The following ADM2 variants were observed in gnomAD, a reference collection of about 807,000 sequenced individuals.
ADM2 encodes protein ADM2.
In ADM2, 5 loss-of-function variants were observed where a neutral mutation model predicts 7.1. The observed-to-expected ratio is 0.71, with a 90% CI of 0.37 to 1.49. The LOEUF is 1.49. ADM2 is among the 40% of genes most tolerant of loss of function. The pLI is 0.03. For synonymous variants in ADM2, 123 were observed against 92.8 expected (o/e 1.33, Z -1.87); for missense variants, 236 against 211.2 (o/e 1.12, Z -0.73).
At position 50,481,946 on chromosome 22, in the gene ADM2, C is replaced by T. The variant is rs201300266; in HGVS notation, c.99C>T (p.Pro33=). Residue 33 remains proline (P), a synonymous_variant, in exon 2 of 3, where the codon CCC becomes CCT. Transcript: ENST00000395737. ...LSRSLGGDPR[P]VKPREPPARS... ...GCAGCCTGGGCGGGGACCCGCGACC[C>T]GTCAAACCCAGGTGAGTCCAGGTCT... is the stretch of plus-strand genomic sequence containing the variant. 3.9e-6 allele frequency: 6 copies of T among 1,536,328 alleles called. No homozygotes were observed. Among genetic ancestry groups the T allele is most frequent in the Admixed American group, 3.9e-5 (2 of 50,776 alleles).
chr22:50,482,074 A>G, intron 2 of ADM2, 117 bp downstream of exon 2: 2 of 960,184 alleles, frequency 2.1e-6, no homozygotes, highest in East Asian at 3.1e-5. Context: ...CTCCCCTCCC[A>G]AACAAAGGCC....
chr22:50,483,044 G>C lies in ADM2; in HGVS notation c.*141G>C. 7.2e-7 allele frequency: 1 copy of C among 1,380,174 alleles called. No individual in the cohort carries two copies. The highest frequency in any genetic ancestry group is 9.9e-7 in the Non-Finnish European group (1 of 1,005,452). 85.5% of individuals were successfully genotyped at this position (1,380,174 alleles called of 1,614,324 possible). A position where few individuals can be genotyped will look rare whatever the true frequency, so the allele number is the denominator to read the frequency against. On this transcript the variant is annotated 3_prime_UTR_variant, in exon 3 of 3. Coordinates refer to ENST00000395737, the MANE Select transcript of ADM2 (RefSeq NM_001253845.2). The stretch of plus-strand genomic sequence containing the variant: ...GCAGCAACAATACCTGCACGGCTTT[G>C]CACACGTAAACCTAGGCTGGTCTAC...
In ADM2 at chr22:50,485,496, A is replaced by C. The variant is rs1484532930; in HGVS notation, c.*2593A>C. The C allele has an allele frequency of 6.5e-6, 1 of 152,802 alleles. No individual in the cohort carries two copies. The highest frequency in any genetic ancestry group is 2.4e-5 in the African/African-American group (1 of 41,466). 9.5% of individuals were successfully genotyped at this position (152,802 alleles called of 1,614,324 possible). On this transcript the variant is annotated 3_prime_UTR_variant, in exon 3 of 3. Coordinates refer to ENST00000395737, the MANE Select transcript of ADM2 (RefSeq NM_001253845.2). ...AGCCTCCTCCCAGGCACCTGTCTGC[A>C]TCCCTCTGGCCAGTGCATGCTGAGC...
chr22:50,482,714 CCG>C lies in ADM2; in HGVS notation c.260_261del (p.Arg87ProfsTer89). ...TGGGTCAGCCTCTCCGGGATGGTGG[CCG>C]CCAACACTCGGGCCCCCGAAGACAC... ...VMGQPLRDGGRQHSGPRRHSG... is the reference protein window; with the variant it reads ...VMGQPLRDGGXQHSGPRRHSG... On this transcript the variant is annotated frameshift_variant, in exon 3 of 3. Coordinates refer to ENST00000395737, the MANE Select transcript of ADM2 (RefSeq NM_001253845.2). LOFTEE classifies it high-confidence loss of function. 1.2e-6 allele frequency: 2 copies of C among 1,605,374 alleles called. No individual in the cohort carries two copies. Among genetic ancestry groups the C allele is most frequent in the African/African-American group, 2.7e-5 (2 of 74,908 alleles).
Position 50,482,781 on chromosome 22 carries a change from G to C in ADM2, c.325G>C (p.Gly109Arg). 6.2e-7 allele frequency: 1 copy of C among 1,608,198 alleles called. No homozygotes were observed. The highest frequency in any genetic ancestry group is 2.2e-5 in the East Asian group (1 of 44,832). ...GACCCAAGCCCAGCTCCTGCGAGTG[G>C]GCTGTGTGCTGGGCACCTGCCAGGT... ...RRTQAQLLRV[G>R]CVLGTCQVQN... Residue 109 changes from glycine (G) to arginine (R), a missense_variant, in exon 3 of 3, where the codon GGC becomes CGC. Gly to Arg is a moderately radical substitution (Grantham distance 125, BLOSUM62 -2). Coordinates refer to ENST00000395737, the MANE Select transcript of ADM2 (RefSeq NM_001253845.2).
intron 2 of ADM2, 126 bp downstream of exon 2, chr22:50,482,083 C>A: frequency 1.1e-6 from 1 of 876,628 alleles, no homozygotes; most frequent in Non-Finnish European, 1.7e-6. Context: ...CAAACAAAGG[C>A]CCCTACCCCA....
At position 50,484,830 on chromosome 22, in the gene ADM2, G is replaced by C. The variant is rs917571123; in HGVS notation, c.*1927G>C. ...AATCAGACCCACCTGACACCATCAC[G>C]CGGAGGCCCAGCAGCACCTGCACCC... On this transcript the variant is annotated 3_prime_UTR_variant, in exon 3 of 3. Transcript: ENST00000395737. 1.4e-5 allele frequency: 1 copy of C among 70,126 alleles called. No individual in the cohort carries two copies. The highest frequency in any genetic ancestry group is 6.0e-5 in the African/African-American group (1 of 16,562). 4.3% of individuals were successfully genotyped at this position (70,126 alleles called of 1,614,324 possible).
At position 50,482,825 on chromosome 22, in the gene ADM2, C is replaced by G. The variant is rs781622119; in HGVS notation, c.369C>G (p.Arg123=). ...GCCAGGTGCAGAATCTCAGCCACCG[C>G]CTGTGGCAACTCATGGGACCGGCCG... ...GTCQVQNLSH[R]LWQLMGPAGR... is the part of the protein sequence containing the mutation. The change falls in exon 3 of 3, where the codon CGC becomes CGG. Residue 123 remains arginine, a synonymous_variant. Coordinates refer to ENST00000395737, the MANE Select transcript of ADM2 (RefSeq NM_001253845.2). 1 of 1,608,718 alleles carries G rather than the reference C, an allele frequency of 6.2e-7. No individual in the cohort carries two copies. Among genetic ancestry groups the G allele is most frequent in the Admixed American group, 1.7e-5 (1 of 59,924 alleles).
In ADM2 at chr22:50,484,340, A is replaced by G. The variant is rs909386722; in HGVS notation, c.*1437A>G. ...GATGGGCCGCACAGCGAGGCAGTCAAGGCCAGCTCCCTGGGAGAAGCACTG... is the reference window on the plus strand; with the variant it reads ...GATGGGCCGCACAGCGAGGCAGTCAGGGCCAGCTCCCTGGGAGAAGCACTG... On this transcript the variant is annotated 3_prime_UTR_variant, in exon 3 of 3. Transcript: ENST00000395737. The G allele has an allele frequency of 1.3e-5, 2 of 152,608 alleles. No individual in the cohort carries two copies. Among genetic ancestry groups the G allele is most frequent in the Admixed American group, 1.3e-4 (2 of 15,286 alleles). The allele number at this position is 152,608 out of a possible 1,614,324, so 9.5% of individuals were successfully genotyped here.
At position 50,482,640 on chromosome 22, in the gene ADM2, C is replaced by G. The variant is rs1319514360; in HGVS notation, c.184C>G (p.Leu62Val). Residue 62 changes from leucine (L) to valine (V), a missense_variant, in exon 3 of 3, where the codon CTT becomes GTT. Physicochemically the swap from Leu to Val is conservative, Grantham distance 32 (BLOSUM62 1). Transcript: ENST00000395737. ...HPAPRPVVWK[L>V]HRALQAQRGA... ...CGCACCCCGACCTGTGGTCTGGAAG[C>G]TTCACCGGGCCCTCCAGGCACAGAG... 2 of 1,545,768 alleles carry G rather than the reference C, an allele frequency of 1.3e-6. No individual in the cohort carries two copies. Among genetic ancestry groups the G allele is most frequent in the Non-Finnish European group, 1.7e-6 (2 of 1,144,342 alleles).
At chr22:50,482,412 C>T (rs762725960) in intron 2 of ADM2, among the ~76,000 whole-genome samples, 155 bp from the exon 3 acceptor site, 3 of 152,106 alleles carry the variant, frequency 2.0e-5, no homozygotes, top group East Asian at 1.9e-4. Flanking sequence ...AGAGGGGACG[C>T]GGGCTTCCCC....
At chr22:50,482,441 T>G in intron 2 of ADM2, 126 bp from the exon 3 acceptor site, 2 of 1,370,384 alleles carry the variant, frequency 1.5e-6, no homozygotes, top group Non-Finnish European at 1.9e-6. Flanking sequence ...CTCCAGGCTG[T>G]GTGTGGATGG....
rs933240199 is a variant in ADM2, at chr22:50,481,674, C to A, written c.-101C>A. On this transcript the variant is annotated 5_prime_UTR_variant, in exon 1 of 3. Transcript: ENST00000395737. The stretch of plus-strand genomic sequence containing the variant: ...CGGCCGACCCCAGACCCGCTGCCCG[C>A]TTCGCGCCCGAGGCCTGCGCCCCGA... The A allele has an allele frequency of 5.1e-5, 17 of 336,366 alleles. No individual in the cohort carries two copies. The highest frequency in any genetic ancestry group is 2.0e-4 in the Admixed American group (4 of 19,944). The allele number at this position is 336,366 out of a possible 1,614,324, so 20.8% of individuals were successfully genotyped here.
At chr22:50,481,799 C>A (rs1423548895) in intron 1 of ADM2, 36 bp downstream of exon 1, 2 of 1,348,542 alleles carry the variant, frequency 1.5e-6, no homozygotes, top group Non-Finnish European at 2.0e-6. Context: ...GCTCAGGCTG[C>A]CCCCGACGTG....
Position 50,481,774 on chromosome 22 carries a change from A to AG in ADM2, c.-12+16dup, listed in dbSNP as rs900055871. The AG allele has an allele frequency of 6.6e-6, 7 of 1,053,550 alleles. No homozygotes were observed. The African/African-American group carries it at 1.2e-4, about 18-fold the overall frequency. 65.3% of individuals were successfully genotyped at this position (1,053,550 alleles called of 1,614,324 possible). A position where few individuals can be genotyped will look rare whatever the true frequency, so the allele number is the denominator to read the frequency against. On this transcript the variant is annotated intron_variant, in intron 1 of 2. Transcript: ENST00000395737. ...GGAGGACTCCCCGAGGTGCCGGCGG[A>AG]GGGGGTGGCTCGCGGCTCAGGCTGC... is the stretch of plus-strand genomic sequence containing the variant.
chr22:50,485,510 T>C lies in ADM2; in HGVS notation c.*2607T>C, dbSNP rs1032067627. 2 of 152,186 alleles carry C rather than the reference T, an allele frequency of 1.3e-5. No individual in the cohort carries two copies. Among genetic ancestry groups the C allele is most frequent in the African/African-American group, 4.8e-5 (2 of 41,382 alleles). 9.4% of individuals were successfully genotyped at this position (152,186 alleles called of 1,614,324 possible). On this transcript the variant is annotated 3_prime_UTR_variant, in exon 3 of 3. Coordinates refer to ENST00000395737, the MANE Select transcript of ADM2 (RefSeq NM_001253845.2). ...CACCTGTCTGCATCCCTCTGGCCAGTGCATGCTGAGCACGTGACCTACCCG... is the reference window on the plus strand; with the variant it reads ...CACCTGTCTGCATCCCTCTGGCCAGCGCATGCTGAGCACGTGACCTACCCG...
rs2068244813 is a variant in ADM2, at chr22:50,484,833, G to A, written c.*1930G>A. 1.7e-5 allele frequency: 1 copy of A among 59,274 alleles called. No individual in the cohort carries two copies. The highest frequency in any genetic ancestry group is 3.4e-5 in the Non-Finnish European group (1 of 29,174). 3.7% of individuals were successfully genotyped at this position (59,274 alleles called of 1,614,324 possible). A position where few individuals can be genotyped will look rare whatever the true frequency, so the allele number is the denominator to read the frequency against. ...CAGACCCACCTGACACCATCACGCG[G>A]AGGCCCAGCAGCACCTGCACCCACT... is the stretch of plus-strand genomic sequence containing the variant. On this transcript the variant is annotated 3_prime_UTR_variant, in exon 3 of 3. Transcript: ENST00000395737.
rs2068211546 is a variant in ADM2, at chr22:50,482,711, T to A, written c.255T>A (p.Gly85=). 1 of 1,605,690 alleles carries A rather than the reference T, an allele frequency of 6.2e-7. No individual in the cohort carries two copies. The highest frequency in any genetic ancestry group is 8.5e-7 in the Non-Finnish European group (1 of 1,176,172). ...TTATGGGTCAGCCTCTCCGGGATGGTGGCCGCCAACACTCGGGCCCCCGAA... is the reference window on the plus strand; with the variant it reads ...TTATGGGTCAGCCTCTCCGGGATGGAGGCCGCCAACACTCGGGCCCCCGAA... ...APVMGQPLRD[G]GRQHSGPRRH... is the part of the protein sequence containing the mutation. The change falls in exon 3 of 3, where the codon GGT becomes GGA. Residue 85 remains glycine, a synonymous_variant. Transcript: ENST00000395737.
At position 50,485,633 on chromosome 22, in the gene ADM2, T is replaced by A. The variant is rs1186184789; in HGVS notation, c.*2730T>A. On this transcript the variant is annotated 3_prime_UTR_variant, in exon 3 of 3. Coordinates refer to ENST00000395737, the MANE Select transcript of ADM2 (RefSeq NM_001253845.2). ...CGTAGAAGGTAGAATAAGTGGGTGG[T>A]GGAGTGGCAGGGAGTGCTGAGTGCC... is the stretch of plus-strand genomic sequence containing the variant. 1 of 152,344 alleles carries A rather than the reference T, an allele frequency of 6.6e-6. No individual in the cohort carries two copies. Among genetic ancestry groups the A allele is most frequent in the Non-Finnish European group, 1.5e-5 (1 of 68,148 alleles). The allele number at this position is 152,344 out of a possible 1,614,324, so 9.4% of individuals were successfully genotyped here. A position where few individuals can be genotyped will look rare whatever the true frequency, so the allele number is the denominator to read the frequency against.
Sources: allele counts gnomAD v4.1 joint callset (sites outside exome capture counted in the v4.1 genomes callset), GRCh38; gene constraint gnomAD v4.1.1; transcripts MANE v1.5; gene names NCBI Gene and HGNC (gene_info 2026-07-23, HGNC 2026-07-21).